Variants in RREB1 observed in about 807,000 individuals in gnomAD.
The protein encoded by RREB1 is ras responsive element binding protein 1.
In RREB1, 27 loss-of-function variants were observed where a neutral mutation model predicts 117.8. The observed-to-expected ratio is 0.23, with a 90% CI of 0.17 to 0.32. The LOEUF is 0.32. Ranked by LOEUF, RREB1 falls within the 10% of genes least tolerant of loss-of-function variation. The probability of loss-of-function intolerance (pLI) is 1.00; values close to 1 mark genes in which losing one functional copy is unlikely to be tolerated. For missense variants in RREB1, 2,577 were observed against 2,378.2 expected (o/e 1.08, Z -1.74); for synonymous variants, 1,298 against 1,026.7 (o/e 1.26, Z -5.05).
intron 1 of RREB1, among the ~76,000 whole-genome samples, chr6:7,168,348 A>G (rs1411364708): frequency 6.6e-6 from 1 of 151,984 alleles, no homozygotes; most frequent in Non-Finnish European, 1.5e-5. Context: ...TGGAATCTTA[A>G]GGTATTATGC....
At chr6:7,119,033 T>C (rs1761544188) in intron 1 of RREB1, among the ~76,000 whole-genome samples, 1 of 152,026 alleles carries the variant, frequency 6.6e-6, no homozygotes, top group African/African-American at 2.4e-5. Flanking sequence ...AAGGCTACTG[T>C]GTTAAGCACC....
chr6:7,122,004 A>G (rs1761701353), intron 1 of RREB1, among the ~76,000 whole-genome samples: 1 of 152,138 alleles, frequency 6.6e-6, no homozygotes, highest in Admixed American at 6.5e-5. Context: ...CCTCACTTGG[A>G]TGCATGGCCC....
intron 1 of RREB1, among the ~76,000 whole-genome samples, chr6:7,145,975 T>TTG (rs1762835209): frequency 2.1e-5 from 3 of 145,378 alleles, no homozygotes; most frequent in African/African-American, 8.3e-5. Context: ...TCCTCTCTCT[T>TTG]TCTCTCTCTC....
chr6:7,160,178 C>T (rs778290295), intron 1 of RREB1, among the ~76,000 whole-genome samples: 3 of 150,836 alleles, frequency 2.0e-5, no homozygotes, highest in Non-Finnish European at 4.4e-5. Context: ...TACTTGAGTT[C>T]AGTGGTACAA....
At chr6:7,242,902 A>G (rs1050396486) in intron 11 of RREB1, among the ~76,000 whole-genome samples, 4 of 152,174 alleles carry the variant, frequency 2.6e-5, no homozygotes, top group African/African-American at 7.2e-5. Flanking sequence ...TGAATATTCA[A>G]ATTTCAACTG....
At chr6:7,146,809 G>A (rs768123855) in intron 1 of RREB1, among the ~76,000 whole-genome samples, 10 of 151,452 alleles carry the variant, frequency 6.6e-5, no homozygotes, top group Non-Finnish European at 1.2e-4. Flanking sequence ...GGAGGGAGAG[G>A]AAAAGGAGCT....
chr6:7,203,646 C>A (rs868861718), intron 6 of RREB1, among the ~76,000 whole-genome samples: 1 of 152,132 alleles, frequency 6.6e-6, no homozygotes, highest in African/African-American at 2.4e-5. Flanking sequence ...GAAAATGAAC[C>A]CCTGGTACTC....
rs760737036 is a variant in RREB1 at position 7,230,601 on chromosome 6, A to G, written c.2502A>G (p.Ala834=). ...YVLAADGLGP[A]EAPAAEASGR... The stretch of plus-strand genomic sequence containing the variant: ...TGGCCGCCGACGGCCTGGGCCCCGC[A>G]GAGGCGCCGGCCGCTGAGGCGTCGG... The change falls in exon 10 of 13, where the codon GCA becomes GCG. Residue 834 remains alanine, a synonymous_variant. Transcript: ENST00000379938. The G allele has an allele frequency of 1.1e-5, 17 of 1,604,056 alleles. No homozygotes were observed. The highest frequency in any genetic ancestry group is 1.4e-5 in the Non-Finnish European group (17 of 1,175,652).
At chr6:7,112,471 C>G (rs1323823438) in intron 1 of RREB1, among the ~76,000 whole-genome samples, 2 of 152,160 alleles carry the variant, frequency 1.3e-5, no homozygotes, top group Non-Finnish European at 2.9e-5. Context: ...TCTTTTCTCT[C>G]TTTCTTTCCT....
rs547070126 is a variant in RREB1, at chr6:7,199,950, C to G, written c.425+10628C>G. On this transcript the variant is annotated intron_variant, in intron 6 of 12. Transcript: ENST00000379938. The stretch of plus-strand genomic sequence containing the variant: ...TGAATAATCGAAAGCTGCCACTATC[C>G]TCTGAGAAAAAGGGTAGGCAAGTGT... Among the ~76,000 whole-genome samples the G allele has an allele frequency of 7.9e-5, 12 of 152,158 alleles. 1 individual carries two copies. Among genetic ancestry groups the G allele is most frequent in the African/African-American group, 2.2e-4 (9 of 41,504 alleles).
chr6:7,188,620 A>G (rs1460112765), intron 5 of RREB1, among the ~76,000 whole-genome samples: 2 of 152,192 alleles, frequency 1.3e-5, no homozygotes, highest in Non-Finnish European at 2.9e-5. Flanking sequence ...ATGACCTAGT[A>G]AAATCATGAC....
intron 6 of RREB1, among the ~76,000 whole-genome samples, chr6:7,192,115 G>GTTTTT (rs1765432432): frequency 8.8e-5 from 3 of 33,916 alleles, no homozygotes; most frequent in South Asian, 1.1e-3. Flanking sequence ...TTTGTCAGAT[G>GTTTTT]ATTTTTTTTT....
At chr6:7,162,907 G>C (rs1296432815) in intron 1 of RREB1, among the ~76,000 whole-genome samples, 1 of 151,852 alleles carries the variant, frequency 6.6e-6, no homozygotes. Flanking sequence ...AGAGTGCAGT[G>C]TCACGGTCAG....
chr6:7,114,917 C>T (rs1235896661), intron 1 of RREB1, among the ~76,000 whole-genome samples: 1 of 151,866 alleles, frequency 6.6e-6, no homozygotes, highest in African/African-American at 2.4e-5. Context: ...GTCACCTCTT[C>T]AGTTATTTGG....
At chr6:7,240,272 T>C (rs1768616638) in intron 10 of RREB1, among the ~76,000 whole-genome samples, 166 bp from the exon 11 acceptor site, 1 of 152,090 alleles carries the variant, frequency 6.6e-6, no homozygotes, top group African/African-American at 2.4e-5. Context: ...ATGATCATTT[T>C]AGTCATTGAT....
intron 10 of RREB1, among the ~76,000 whole-genome samples, chr6:7,239,661 C>T (rs1768565355): frequency 1.3e-5 from 2 of 152,334 alleles, no homozygotes; most frequent in African/African-American, 4.8e-5. Flanking sequence ...AAAATGTCCT[C>T]TTCACATGCA....
chr6:7,239,982 C>T (rs1768590862), intron 10 of RREB1, among the ~76,000 whole-genome samples: 1 of 152,202 alleles, frequency 6.6e-6, no homozygotes, highest in Admixed American at 6.5e-5. Flanking sequence ...TCTTCATGGG[C>T]CCCCAAAGAT....
At chr6:7,198,566 A>T (rs1380180966) in intron 6 of RREB1, among the ~76,000 whole-genome samples, 1 of 152,218 alleles carries the variant, frequency 6.6e-6, no homozygotes, top group Non-Finnish European at 1.5e-5. Context: ...ATGTGATTTT[A>T]ATGGGATATA....
At chr6:7,118,261 C>G (rs182032754) in intron 1 of RREB1, among the ~76,000 whole-genome samples, 1 of 152,272 alleles carries the variant, frequency 6.6e-6, no homozygotes, top group East Asian at 1.9e-4. Context: ...GCTGGGATTA[C>G]AGGCGCATGC....
Sources: gnomAD v4.1 joint callset for allele counts (sites outside exome capture counted in the v4.1 genomes callset) on GRCh38, gnomAD v4.1.1 for gene constraint, MANE v1.5 for transcripts, NCBI Gene and HGNC (gene_info 2026-07-23, HGNC 2026-07-21) for gene names.